The following ESRRA variants were observed in gnomAD, a reference collection of about 807,000 sequenced individuals.
ESRRA encodes estrogen related receptor alpha, also known as steroid hormone receptor ERR1.
Under a neutral mutation model 35.6 loss-of-function variants are expected in ESRRA, and 7 were observed. The ratio of observed to expected loss-of-function variants is 0.20; its 90% CI spans 0.11 to 0.37. The LOEUF is 0.37. ESRRA is among the 10% of genes least tolerant of loss of function. The pLI is 1.00. For synonymous variants in ESRRA, 223 were observed against 246.9 expected, an observed-to-expected ratio of 0.90 and a Z score of 0.91; for missense variants, 378 against 561.7, an observed-to-expected ratio of 0.67 and a Z score of 3.31.
chr11:64,314,937 T>C (rs746811617), intron 5 of ESRRA, 26 bp downstream of exon 5: 4 of 1,608,560 alleles, frequency 2.5e-6, no homozygotes, highest in Non-Finnish European at 2.5e-6. Context: ...GACCCGGGGC[T>C]GCCCTGAACG....
intron 5 of ESRRA, 43 bp from the exon 6 acceptor site, chr11:64,314,958 T>C (rs1440254055): frequency 1.9e-6 from 3 of 1,600,826 alleles, no homozygotes; most frequent in East Asian, 2.3e-5. Context: ...GGCCCGGCTC[T>C]GGTGCGCTTG....
chr11:64,312,903 A>C (rs1250575986), intron 2 of ESRRA, among the ~76,000 whole-genome samples: 1 of 152,160 alleles, frequency 6.6e-6, no homozygotes, highest in African/African-American at 2.4e-5. Flanking sequence ...GAGAGCAAGG[A>C]GTAGAGGTCA....
chr11:64,316,231 G>A lies in ESRRA; in HGVS notation c.*265G>A, dbSNP rs1351545475. On this transcript the variant is annotated 3_prime_UTR_variant, in exon 7 of 7. Coordinates refer to ENST00000000442, the MANE Select transcript of ESRRA (RefSeq NM_004451.5). ...GCCCCCAGAGTGTAGGGGGCCTTGC[G>A]GAAGCCATAGGGGGCTGCACGGGAT... 2 of 414,230 alleles carry A rather than the reference G, an allele frequency of 4.8e-6. No individual in the cohort carries two copies. The highest frequency in any genetic ancestry group is 3.8e-5 in the East Asian group (1 of 26,058). The allele number at this position is 414,230 out of a possible 1,614,324, so 25.7% of individuals were successfully genotyped here. A position where few individuals can be genotyped will look rare whatever the true frequency, so the allele number is the denominator to read the frequency against.
chr11:64,308,881 G>A (rs1374702292), intron 2 of ESRRA, among the ~76,000 whole-genome samples: 3 of 151,012 alleles, frequency 2.0e-5, no homozygotes, highest in Non-Finnish European at 4.4e-5. Flanking sequence ...TTGGGAGGCC[G>A]AGACGGGCGG....
At chr11:64,310,803 C>T (rs1159952897) in intron 2 of ESRRA, among the ~76,000 whole-genome samples, 1 of 152,086 alleles carries the variant, frequency 6.6e-6, no homozygotes, top group East Asian at 1.9e-4. Flanking sequence ...CCTCCTCGGG[C>T]TTCCAAAGTG....
intron 2 of ESRRA, among the ~76,000 whole-genome samples, chr11:64,308,522 C>A (rs1188221771): frequency 0.01 from 899 of 86,680 alleles, no homozygotes; most frequent in Middle Eastern, 0.023. Flanking sequence ...GATTCCATCT[C>A]AAAAAAAAAA....
chr11:64,309,957 T>C (rs932726180), intron 2 of ESRRA, among the ~76,000 whole-genome samples: 1 of 151,394 alleles, frequency 6.6e-6, no homozygotes. Flanking sequence ...AAAAAAAATC[T>C]TGAGTGCTTA....
At chr11:64,309,112 AAAAAACAAAAAC>A (rs558286245) in intron 2 of ESRRA, among the ~76,000 whole-genome samples, 2 of 150,666 alleles carry the variant, frequency 1.3e-5, no homozygotes, top group South Asian at 2.1e-4. Context: ...ACTCCACCTC[AAAAAACAAAAAC>A]AAAAACAAAA....
At chr11:64,315,379 G>A (rs1351645426) in intron 6 of ESRRA, 109 bp downstream of exon 6, 1 of 1,293,058 alleles carries the variant, frequency 7.7e-7, no homozygotes, top group Admixed American at 2.9e-5. Flanking sequence ...CTGAGGCTTA[G>A]GGAAGAACAA....
At chr11:64,314,402 C>T (rs549835362) in intron 4 of ESRRA, 35 bp downstream of exon 4, 42 of 1,513,418 alleles carry the variant, frequency 2.8e-5, no homozygotes, top group South Asian at 2.3e-4. Context: ...GCTACGAAAC[C>T]GGAGGCCTAT....
At chr11:64,312,275 G>T (rs2035155948) in intron 2 of ESRRA, among the ~76,000 whole-genome samples, 1 of 152,064 alleles carries the variant, frequency 6.6e-6, no homozygotes, top group East Asian at 1.9e-4. Context: ...GAGTAGCTGG[G>T]ACTACAGGTG....
intron 2 of ESRRA, among the ~76,000 whole-genome samples, chr11:64,312,039 C>T (rs2035151277): frequency 7.4e-6 from 1 of 135,332 alleles, no homozygotes; most frequent in South Asian, 2.5e-4. Context: ...AGTGCAATGG[C>T]ACGATCTTGG....
intron 2 of ESRRA, among the ~76,000 whole-genome samples, chr11:64,312,622 T>A (rs1006329178): frequency 1.9e-4 from 29 of 152,328 alleles, no homozygotes; most frequent in African/African-American, 6.5e-4. Flanking sequence ...TGGGGCCAGT[T>A]CCTGCCCCGG....
At chr11:64,311,893 C>G (rs1215554264) in intron 2 of ESRRA, among the ~76,000 whole-genome samples, 1 of 150,798 alleles carries the variant, frequency 6.6e-6, no homozygotes, top group Non-Finnish European at 1.5e-5. Flanking sequence ...CCGTGTTGGT[C>G]AGGCTGGTCT....
At position 64,315,933 on chromosome 11, in the gene ESRRA, G is replaced by C. The variant is rs762148039; in HGVS notation, c.1239G>C (p.Leu413=). The change falls in exon 7 of 7, where the codon CTG becomes CTC. Residue 413 remains leucine (L), a synonymous_variant. Transcript: ENST00000000442. ...KLEGKVPMHK[L]FLEMLEAMMD ...AGGGCAAGGTGCCCATGCACAAGCTGTTCTTGGAGATGCTCGAGGCCATGA... is the reference window on the plus strand; with the variant it reads ...AGGGCAAGGTGCCCATGCACAAGCTCTTCTTGGAGATGCTCGAGGCCATGA... 8 of 1,590,180 alleles carry C rather than the reference G, an allele frequency of 5.0e-6. No homozygotes were observed. In the African/African-American group the frequency reaches 9.4e-5, roughly 19 times the overall value.
chr11:64,307,273 G>C lies in ESRRA; in HGVS notation c.94G>C (p.Glu32Gln), dbSNP rs1255454552. The change falls in exon 2 of 7, where the codon GAG (glutamate) becomes CAG (glutamine). Residue 32 changes from glutamate to glutamine, a missense_variant. By Grantham distance (29) the Glu-to-Gln change is conservative. Coordinates refer to ENST00000000442, the MANE Select transcript of ESRRA (RefSeq NM_004451.5). ...AAAGGGTTCCTCGGAGACAGAGACCGAGCCTCCTGTGGCCCTGGCCCCTGG... is the reference window on the plus strand; with the variant it reads ...AAAGGGTTCCTCGGAGACAGAGACCCAGCCTCCTGTGGCCCTGGCCCCTGG... ...SPKGSSETET[E>Q]PPVALAPGPA... 6.2e-7 allele frequency: 1 copy of C among 1,613,470 alleles called. No individual in the cohort carries two copies. The highest frequency in any genetic ancestry group is 1.7e-5 in the Admixed American group (1 of 60,000).
intron 6 of ESRRA, 60 bp downstream of exon 6, chr11:64,315,330 AGTGACG>A (rs1002975702): frequency 2.0e-6 from 3 of 1,492,750 alleles, no homozygotes; most frequent in Admixed American, 4.7e-5. Context: ...AGGTTAACTC[AGTGACG>A]GTAGCACAGC....
chr11:64,308,601 G>C (rs1591240253), intron 2 of ESRRA, among the ~76,000 whole-genome samples: 3 of 150,020 alleles, frequency 2.0e-5, no homozygotes, highest in African/African-American at 7.4e-5. Context: ...CGGATCATGA[G>C]GTCAGGAGAT....
intron 1 of ESRRA, 41 bp from the exon 2 acceptor site, chr11:64,307,127 T>C (rs2035049391): frequency 4.7e-6 from 7 of 1,495,578 alleles, no homozygotes; most frequent in Non-Finnish European, 6.3e-6. Flanking sequence ...CCATCCCCCA[T>C]ACCAGTGCTT....
Sources: allele counts gnomAD v4.1 joint callset (sites outside exome capture counted in the v4.1 genomes callset), GRCh38; gene constraint gnomAD v4.1.1; transcripts MANE v1.5; gene names NCBI Gene and HGNC (gene_info 2026-07-23, HGNC 2026-07-21).